PTER: variants seen among roughly 807,000 people sequenced by gnomAD.
PTER encodes the protein N-acetyltaurine hydrolase.
PTER carries 38 observed loss-of-function variants against 29.6 expected under a neutral mutation model. The ratio of observed to expected loss-of-function variants is 1.28; its 90% CI spans 0.99 to 1.68. The LOEUF is 1.68. Among genes scored for constraint, PTER ranks in the 40% most tolerant of loss-of-function variants. The pLI is 0.00. For synonymous variants in PTER, 172 were observed against 154.5 expected (o/e 1.11, Z -0.84); for missense variants, 482 against 427.8 (o/e 1.13, Z -1.12).
In PTER at chr10:16,505,142, A is replaced by G; in HGVS notation, c.821A>G (p.Asp274Gly). 1 of 1,613,958 alleles carries G rather than the reference A, an allele frequency of 6.2e-7. No individual in the cohort carries two copies. The highest frequency in any genetic ancestry group is 8.5e-7 in the Non-Finnish European group (1 of 1,179,904). The change falls in exon 4 of 5, where the codon GAT becomes GGT. Residue 274 changes from aspartate to glycine, a missense_variant. Coordinates refer to ENST00000535784, the MANE Select transcript of PTER (RefSeq NM_001261836.2). ...QLGPDIDMPD[D>G]NKRIRRVRLL... ...GGCCCAGATATTGACATGCCTGATGATAACAAAAGAATTAGAAGGTAAATA... is the reference window on the plus strand; with the variant it reads ...GGCCCAGATATTGACATGCCTGATGGTAACAAAAGAATTAGAAGGTAAATA...
In PTER at chr10:16,443,480, T is replaced by C. The variant is rs559295499; in HGVS notation, c.-49+6433T>C. On this transcript the variant is annotated intron_variant, in intron 1 of 4. Transcript: ENST00000535784. Reference sequence around the variant, plus strand: ...TTGGAAGCTACTGTTTTTGGAGTTATTTTCTTTGATTGTTAAATTTGACCT... The same window carrying C: ...TTGGAAGCTACTGTTTTTGGAGTTACTTTCTTTGATTGTTAAATTTGACCT... Among the ~76,000 whole-genome samples the C allele has an allele frequency of 2.8e-3, 421 of 152,342 alleles. 2 individuals are homozygous for C. Among genetic ancestry groups the C allele is most frequent in the African/African-American group, 9.3e-3 (387 of 41,590 alleles).
chr10:16,443,705 T>C lies in PTER; in HGVS notation c.-49+6658T>C, dbSNP rs377392592. On this transcript the variant is annotated intron_variant, in intron 1 of 4. Transcript: ENST00000535784. ...AAAAATGTACATAATCAAGCGTACC[T>C]TGCAGTCTGAATGACAAACATCCAA... 2.0e-5 allele frequency among the ~76,000 whole-genome samples: 3 copies of C among 152,334 alleles called. 1 individual carries two copies. Among genetic ancestry groups the C allele is most frequent in the East Asian group, 3.9e-4 (2 of 5,190 alleles).
intron 3 of PTER, among the ~76,000 whole-genome samples, chr10:16,501,926 AT>A (rs1240830258): frequency 6.6e-6 from 1 of 152,200 alleles, no homozygotes; most frequent in Admixed American, 6.5e-5. Context: ...ACTTTGCACA[AT>A]GTCAGACACA....
chr10:16,468,559 A>G (rs1352528450), intron 1 of PTER, among the ~76,000 whole-genome samples: 6 of 152,196 alleles, frequency 3.9e-5, no homozygotes, highest in Admixed American at 2.0e-4. Flanking sequence ...GACTAAAACA[A>G]GCAAGCATCT....
At chr10:16,478,448 C>T (rs1835360422) in intron 1 of PTER, among the ~76,000 whole-genome samples, 1 of 151,870 alleles carries the variant, frequency 6.6e-6, no homozygotes, top group Non-Finnish European at 1.5e-5. Flanking sequence ...ATTATCCTGC[C>T]TCAGGCTTCT....
intron 1 of PTER, among the ~76,000 whole-genome samples, chr10:16,472,894 A>G (rs1383083731): frequency 1.3e-5 from 2 of 152,316 alleles, no homozygotes; most frequent in African/African-American, 4.8e-5. Flanking sequence ...TAAGAAGTCA[A>G]CATTTAAACC....
intron 1 of PTER, among the ~76,000 whole-genome samples, chr10:16,467,702 C>T (rs912899207): frequency 1.2e-4 from 18 of 152,166 alleles, no homozygotes; most frequent in Admixed American, 1.0e-3. Flanking sequence ...ATCCTAGCTA[C>T]TCGGGAGGCT....
chr10:16,463,026 T>C (rs1253355039), intron 1 of PTER, among the ~76,000 whole-genome samples: 1 of 151,764 alleles, frequency 6.6e-6, no homozygotes, highest in Non-Finnish European at 1.5e-5. Flanking sequence ...ACCCCGTCTG[T>C]ACTAAAAATA....
At chr10:16,463,423 T>G (rs1834695817) in intron 1 of PTER, among the ~76,000 whole-genome samples, 1 of 152,138 alleles carries the variant, frequency 6.6e-6, no homozygotes, top group Admixed American at 6.5e-5. Context: ...TTTTTTGTTG[T>G]TTTTTGAGAC....
chr10:16,512,157 G>A lies in PTER; in HGVS notation c.*901G>A, dbSNP rs1475797143. On this transcript the variant is annotated 3_prime_UTR_variant, in exon 5 of 5. Transcript: ENST00000535784. ...CCTAAACAGAGAAAATAATGCTTATGTATCTGAAGAAAAGGTCAGATCTAT... is the reference window on the plus strand; with the variant it reads ...CCTAAACAGAGAAAATAATGCTTATATATCTGAAGAAAAGGTCAGATCTAT... 2 of 151,672 alleles carry A rather than the reference G, an allele frequency of 1.3e-5. No homozygotes were observed. Among genetic ancestry groups the A allele is most frequent in the Non-Finnish European group, 2.9e-5 (2 of 67,890 alleles). The allele number at this position is 151,672 out of a possible 1,614,324, so 9.4% of individuals were successfully genotyped here. A position where few individuals can be genotyped will look rare whatever the true frequency, so the allele number is the denominator to read the frequency against.
intron 1 of PTER, among the ~76,000 whole-genome samples, chr10:16,477,519 A>T (rs181317500): frequency 6.6e-6 from 1 of 152,250 alleles, no homozygotes; most frequent in East Asian, 1.9e-4. Context: ...TATAGCTTTC[A>T]TTGTTTGTTA....
At chr10:16,489,366 A>G (rs867792647) in intron 3 of PTER, among the ~76,000 whole-genome samples, 1 of 152,334 alleles carries the variant, frequency 6.6e-6, no homozygotes, top group Middle Eastern at 3.4e-3. Flanking sequence ...CATACAATGT[A>G]TAACTTGTAA....
In PTER at chr10:16,505,018, AG is replaced by A. The variant is rs747499813; in HGVS notation, c.699del. 2.0e-5 allele frequency: 32 copies of A among 1,613,624 alleles called. No homozygotes were observed. Among genetic ancestry groups the A allele is most frequent in the Non-Finnish European group, 2.6e-5 (31 of 1,179,804 alleles). On this transcript the variant is annotated splice_acceptor_variant, in intron 3 of 4. Coordinates refer to ENST00000535784, the MANE Select transcript of PTER (RefSeq NM_001261836.2). LOFTEE classifies it high-confidence loss of function. ...ACAGTTCATCTGTCGCATTGTTTCT[AG>A]GACTATTCTTGATAAGAAAGAGCTC...
chr10:16,480,850 A>G (rs538903468), intron 1 of PTER, among the ~76,000 whole-genome samples: 1 of 152,346 alleles, frequency 6.6e-6, no homozygotes, highest in East Asian at 1.9e-4. Context: ...TTGTCTAAGT[A>G]TTTTGTAGAA....
chr10:16,503,548 G>A (rs1836445613), intron 3 of PTER, among the ~76,000 whole-genome samples: 1 of 152,020 alleles, frequency 6.6e-6, no homozygotes. Flanking sequence ...GGGATTACAG[G>A]CACCCACCAC....
intron 1 of PTER, among the ~76,000 whole-genome samples, chr10:16,442,949 G>A (rs1372179482): frequency 5.3e-5 from 8 of 152,132 alleles, no homozygotes; most frequent in African/African-American, 1.9e-4. Context: ...ACCAGCCTGG[G>A]TGACAGAGTG....
chr10:16,516,763 C>T (rs892413824), downstream of PTER, among the ~76,000 whole-genome samples: 4 of 152,300 alleles, frequency 2.6e-5, 1 homozygote, highest in East Asian at 3.9e-4. Flanking sequence ...ATTCAGTAGG[C>T]GTAACCACAA....
intron 1 of PTER, among the ~76,000 whole-genome samples, chr10:16,465,229 A>T (rs980542242): frequency 1.4e-5 from 2 of 142,094 alleles, no homozygotes; most frequent in South Asian, 2.4e-4. Context: ...ACGATGAGTG[A>T]CTCATTGAAT....
intron 3 of PTER, among the ~76,000 whole-genome samples, chr10:16,496,072 C>T (rs1026881419): frequency 2.0e-5 from 3 of 152,164 alleles, no homozygotes; most frequent in Non-Finnish European, 4.4e-5. Context: ...CTAATAACAG[C>T]GCTATTTACC....
Sources: gnomAD v4.1 joint callset for allele counts (sites outside exome capture counted in the v4.1 genomes callset) on GRCh38, gnomAD v4.1.1 for gene constraint, MANE v1.5 for transcripts, NCBI Gene and HGNC (gene_info 2026-07-23, HGNC 2026-07-21) for gene names.